CAST: variants seen among roughly 807,000 people sequenced by gnomAD.
The protein encoded by CAST is calpastatin.
In CAST, 76 loss-of-function variants were observed where a neutral mutation model predicts 119.6. The observed-to-expected ratio is 0.64, with a 90% confidence interval of 0.53 to 0.77. The LOEUF (loss-of-function observed/expected upper bound fraction) is 0.77, where lower values mean the gene tolerates loss of function less well. Ranked by LOEUF, CAST falls within the 30% of genes least tolerant of loss-of-function variation. CAST has a pLI of 0.00. For synonymous variants in CAST, 319 were observed against 331.6 expected (o/e 0.96, Z 0.41); for missense variants, 953 against 946.5 (o/e 1.01, Z -0.09).
At chr5:96,099,255 T>G in the CAST span, among the ~76,000 whole-genome samples, 3 of 152,128 alleles carry the variant, frequency 2.0e-5, no homozygotes, top group African/African-American at 7.2e-5. Context: ...GATACAGGAT[T>G]ATGTTGTCTG....
chr5:96,721,625 G>A (rs1034753679), intron 3 of CAST, among the ~76,000 whole-genome samples: 7 of 152,134 alleles, frequency 4.6e-5, no homozygotes, highest in African/African-American at 4.8e-5. Flanking sequence ...TACTTAAGAA[G>A]GCAGCTCATG....
chr5:96,389,318 A>G, the CAST span, among the ~76,000 whole-genome samples: 2 of 152,170 alleles, frequency 1.3e-5, no homozygotes, highest in African/African-American at 4.8e-5. Flanking sequence ...CTTGACTGTA[A>G]TCATCTTTTC....
At chr5:96,585,718 C>A (rs1383042885) in intron 1 of CAST, among the ~76,000 whole-genome samples, 2 of 152,162 alleles carry the variant, frequency 1.3e-5, no homozygotes, top group Admixed American at 1.3e-4. Context: ...TCATAAAAAT[C>A]TGCCAAGGAC....
chr5:96,552,732 C>T (rs1319612149), intron 1 of CAST, among the ~76,000 whole-genome samples: 6 of 152,138 alleles, frequency 3.9e-5, no homozygotes, highest in Admixed American at 3.3e-4. Context: ...GTGGGTATCA[C>T]CACCAATCCC....
At chr5:96,150,974 A>G in the CAST span, among the ~76,000 whole-genome samples, 3 of 152,302 alleles carry the variant, frequency 2.0e-5, no homozygotes, top group Admixed American at 6.5e-5. Flanking sequence ...ATCCACAACT[A>G]CAAAGATGGG....
intron 1 of CAST, among the ~76,000 whole-genome samples, chr5:96,643,839 C>T (rs1747983007): frequency 6.6e-6 from 1 of 152,182 alleles, no homozygotes; most frequent in African/African-American, 2.4e-5. Flanking sequence ...TGACACTGTA[C>T]TCCAGCCTGG....
chr5:96,076,854 A>C, the CAST span, among the ~76,000 whole-genome samples: 2 of 152,138 alleles, frequency 1.3e-5, no homozygotes, highest in South Asian at 2.1e-4. Flanking sequence ...AAATATCAAT[A>C]ATAATGTAAG....
chr5:96,000,434 G>A, the CAST span, among the ~76,000 whole-genome samples: 1 of 152,108 alleles, frequency 6.6e-6, no homozygotes, highest in Non-Finnish European at 1.5e-5. Context: ...TGAAGTAGGT[G>A]TCTAAACTTA....
chr5:96,088,751 C>T, the CAST span, among the ~76,000 whole-genome samples: 1 of 152,264 alleles, frequency 6.6e-6, no homozygotes, highest in South Asian at 2.1e-4. Context: ...TGTTAGGTTT[C>T]TGATGTATTG....
At chr5:96,169,058 A>G in the CAST span, among the ~76,000 whole-genome samples, 1 of 152,182 alleles carries the variant, frequency 6.6e-6, no homozygotes, top group Non-Finnish European at 1.5e-5. Context: ...GCTCTTGTGT[A>G]AGAATTCTGA....
chr5:95,987,962 A>C, the CAST span, among the ~76,000 whole-genome samples: 1 of 152,202 alleles, frequency 6.6e-6, no homozygotes, highest in African/African-American at 2.4e-5. Context: ...AAAGTTCTAG[A>C]GACTAGAAAG....
intron 2 of CAST, among the ~76,000 whole-genome samples, chr5:96,684,133 C>G (rs918409305): frequency 6.6e-6 from 1 of 152,174 alleles, no homozygotes; most frequent in African/African-American, 2.4e-5. Context: ...AGGCAAGTTA[C>G]TTTGCCTCAC....
intron 18 of CAST, among the ~76,000 whole-genome samples, chr5:96,747,783 A>G (rs1267599053): frequency 3.9e-5 from 6 of 152,212 alleles, no homozygotes; most frequent in Non-Finnish European, 7.3e-5. Context: ...ATCGCTTGCT[A>G]TGCACCTGGC....
rs1354281732 is a variant in CAST at position 96,773,551 on chromosome 5, TG to T, written c.*937del. 1 of 152,246 alleles carries T rather than the reference TG, an allele frequency of 6.6e-6. No individual in the cohort carries two copies. The highest frequency in any genetic ancestry group is 1.5e-5 in the Non-Finnish European group (1 of 68,010). The allele number at this position is 152,246 out of a possible 1,614,324, so 9.4% of individuals were successfully genotyped here. On this transcript the variant is annotated 3_prime_UTR_variant, in exon 32 of 32. Coordinates refer to ENST00000675179, the MANE Select transcript of CAST (RefSeq NM_001750.7). Reference sequence around the variant, plus strand: ...TTGCACTGTATAGCGTCTGGCTTTATGGAACTTAAGTTTACCAAATATAAAA... The same window carrying T: ...TTGCACTGTATAGCGTCTGGCTTTATGAACTTAAGTTTACCAAATATAAAA...
chr5:96,748,458 T>C (rs1764250384), intron 18 of CAST, 60 bp from the exon 19 acceptor site: 2 of 777,952 alleles, frequency 2.6e-6, no homozygotes, highest in South Asian at 2.2e-5. Flanking sequence ...CCATGAAAAC[T>C]TTTTTTTTAC....
chr5:96,397,860 C>A, the CAST span, among the ~76,000 whole-genome samples: 1 of 151,884 alleles, frequency 6.6e-6, no homozygotes, highest in African/African-American at 2.4e-5. Flanking sequence ...GAGAGGAAAT[C>A]TTGAAAATTT....
the CAST span, among the ~76,000 whole-genome samples, chr5:96,451,864 T>G: frequency 6.6e-6 from 1 of 152,200 alleles, no homozygotes; most frequent in Non-Finnish European, 1.5e-5. Flanking sequence ...AAAGAAGACA[T>G]TTATGCGGCC....
At chr5:96,077,672 C>T in the CAST span, among the ~76,000 whole-genome samples, 1 of 152,090 alleles carries the variant, frequency 6.6e-6, no homozygotes, top group Non-Finnish European at 1.5e-5. Flanking sequence ...TGACACCTTC[C>T]TTCTCCCTTT....
chr5:96,433,262 T>G, the CAST span: 5 of 586,038 alleles, frequency 8.5e-6, no homozygotes, highest in East Asian at 1.4e-4. Context: ...GCCCCAGCCC[T>G]TCCCAGCCAG....
Sources: allele counts gnomAD v4.1 joint callset (sites outside exome capture counted in the v4.1 genomes callset), GRCh38; gene constraint gnomAD v4.1.1; transcripts MANE v1.5; gene names NCBI Gene and HGNC (gene_info 2026-07-23, HGNC 2026-07-21).